The following NECAB2 variants were observed in gnomAD, a reference collection of about 807,000 sequenced individuals.
NECAB2 encodes N-terminal EF-hand calcium-binding protein 2.
A neutral mutation model predicts 51.9 loss-of-function variants in NECAB2; 68 were observed. That is an observed-to-expected ratio of 1.31 (90% CI 1.08 to 1.60). The LOEUF is 1.60. Among genes scored for constraint, NECAB2 ranks in the 40% most tolerant of loss-of-function variants. The pLI is 0.00. For missense variants in NECAB2, 854 were observed against 490.3 expected, an observed-to-expected ratio of 1.74 and a Z score of -7.00; for synonymous variants, 329 against 203.5, an observed-to-expected ratio of 1.62 and a Z score of -5.25.
At chr16:83,991,608 G>A (rs1031921057) in intron 6 of NECAB2, among the ~76,000 whole-genome samples, 6 of 151,144 alleles carry the variant, frequency 4.0e-5, no homozygotes, top group African/African-American at 1.5e-4. Flanking sequence ...ACCCGCCTCA[G>A]CCTCCAGGTG....
intron 9 of NECAB2, 56 bp from the exon 10 acceptor site, chr16:83,998,149 G>A (rs1028165529): frequency 7.2e-6 from 11 of 1,534,444 alleles, no homozygotes; most frequent in Admixed American, 5.2e-5. Context: ...CTGATGGGGT[G>A]TTTAGGGAGA....
upstream of NECAB2, chr16:83,965,328 C>G (rs758826408): frequency 1.3e-6 from 2 of 1,576,068 alleles, no homozygotes; most frequent in African/African-American, 1.3e-5. Context: ...TTCGACAGCC[C>G]GGCCCGGCTG....
chr16:84,000,426 G>A (rs1433132692), intron 10 of NECAB2, among the ~76,000 whole-genome samples: 1 of 152,120 alleles, frequency 6.6e-6, no homozygotes, highest in African/African-American at 2.4e-5. Context: ...TACTTGGAAG[G>A]CTGAAGTGAT....
upstream of NECAB2, among the ~76,000 whole-genome samples, chr16:83,967,251 G>C (rs969119252): frequency 1.3e-5 from 2 of 152,008 alleles, no homozygotes; most frequent in African/African-American, 4.8e-5. Flanking sequence ...TAAGCTCCAG[G>C]AGCTCTGGGA....
intron 2 of NECAB2, 95 bp downstream of exon 2, chr16:83,972,270 A>T: frequency 6.3e-7 from 1 of 1,577,646 alleles, no homozygotes; most frequent in Non-Finnish European, 8.7e-7. Context: ...CGCAACCTTG[A>T]ACCTAAAGGT....
At position 84,002,421 on chromosome 16, in the gene NECAB2, A is replaced by T; in HGVS notation, c.*75A>T. On this transcript the variant is annotated 3_prime_UTR_variant, in exon 13 of 13. Transcript: ENST00000305202. ...AAGGAAATCCCGTTTTTTTCTAGAC[A>T]GACACTTTGGTGCAGAAGCTTCTTT... is the stretch of plus-strand genomic sequence containing the variant. 1.3e-6 allele frequency: 2 copies of T among 1,536,646 alleles called. No individual in the cohort carries two copies.
At chr16:83,988,272 A>G (rs900165952) in intron 5 of NECAB2, among the ~76,000 whole-genome samples, 1 of 151,600 alleles carries the variant, frequency 6.6e-6, no homozygotes, top group Admixed American at 6.6e-5. Flanking sequence ...CATCTCTTTT[A>G]CATTTTACCT....
At chr16:84,001,725 A>G (rs2084840006) in intron 11 of NECAB2, 100 bp from the exon 12 acceptor site, 2 of 1,312,988 alleles carry the variant, frequency 1.5e-6, no homozygotes, top group African/African-American at 1.5e-5. Flanking sequence ...GTGCTTATTG[A>G]TAAGCTCCCC....
At chr16:83,967,752 GTGGA>G (rs1223878998), upstream of NECAB2, among the ~76,000 whole-genome samples, 1 of 131,422 alleles carries the variant, frequency 7.6e-6, no homozygotes, top group Admixed American at 7.6e-5. Flanking sequence ...GGATGGGAGG[GTGGA>G]TGGATGGATG....
intron 1 of NECAB2, chr16:83,971,581 A>G (rs1234388439): frequency 6.5e-6 from 1 of 154,726 alleles, no homozygotes; most frequent in Non-Finnish European, 1.4e-5. Flanking sequence ...TGCAGCCGGA[A>G]CTTCGTCTGC....
intron 5 of NECAB2, among the ~76,000 whole-genome samples, chr16:83,984,503 G>A (rs1467908585): frequency 6.6e-6 from 1 of 151,308 alleles, no homozygotes; most frequent in African/African-American, 2.4e-5. Flanking sequence ...CGGGAGGATC[G>A]CTTGAGCCCA....
At chr16:83,995,440 G>T (rs1225178452) in intron 8 of NECAB2, among the ~76,000 whole-genome samples, 1 of 152,110 alleles carries the variant, frequency 6.6e-6, no homozygotes, top group Non-Finnish European at 1.5e-5. Flanking sequence ...GTGTCGTTAG[G>T]ATGAACCAAA....
Position 83,991,433 on chromosome 16 carries a change from C to G in NECAB2, c.596+803C>G, listed in dbSNP as rs1321453174. 4.6e-5 allele frequency among the ~76,000 whole-genome samples: 6 copies of G among 130,000 alleles called. 1 individual carries two copies. The South Asian group carries it at 1.0e-3, about 22-fold the overall frequency. The allele number at this position is 130,000 out of a possible 152,430, so 85.3% of individuals were successfully genotyped here. ...CCAGGCTGGAGTGCAGTGGCGAGAT[C>G]TCAGCTCACTGCAACGTCCGCCTCC... On this transcript the variant is annotated intron_variant, in intron 6 of 12. Coordinates refer to ENST00000305202, the MANE Select transcript of NECAB2 (RefSeq NM_019065.3).
intron 6 of NECAB2, among the ~76,000 whole-genome samples, chr16:83,993,968 G>A (rs903455687): frequency 2.0e-5 from 3 of 152,136 alleles, no homozygotes; most frequent in East Asian, 1.9e-4. Flanking sequence ...GGCTCTACAC[G>A]TGCCCGAAAG....
chr16:83,989,036 C>G (rs1480287518), intron 5 of NECAB2, among the ~76,000 whole-genome samples: 2 of 152,224 alleles, frequency 1.3e-5, no homozygotes, highest in African/African-American at 4.8e-5. Flanking sequence ...TGATCGCTGA[C>G]CACATCTTCA....
chr16:83,996,620 C>G (rs1451665512), intron 8 of NECAB2, among the ~76,000 whole-genome samples: 5 of 152,170 alleles, frequency 3.3e-5, no homozygotes, highest in African/African-American at 9.6e-5. Flanking sequence ...GGGTTCAGAC[C>G]CACGCTCTGA....
chr16:83,987,177 A>T (rs906241344), intron 5 of NECAB2, among the ~76,000 whole-genome samples: 41 of 152,248 alleles, frequency 2.7e-4, no homozygotes, highest in Admixed American at 1.7e-3. Context: ...ACTAGAAAAA[A>T]TAGTAAACTT....
At chr16:83,967,912 G>A (rs2084304819), upstream of NECAB2, among the ~76,000 whole-genome samples, 1 of 150,724 alleles carries the variant, frequency 6.6e-6, no homozygotes, top group Admixed American at 6.6e-5. Context: ...ACAGTCGGCC[G>A]GCCGGATGGA....
chr16:83,983,874 T>C (rs1462140696), intron 5 of NECAB2, among the ~76,000 whole-genome samples: 1 of 152,146 alleles, frequency 6.6e-6, no homozygotes, highest in Non-Finnish European at 1.5e-5. Flanking sequence ...AATTTATCCA[T>C]AACGCTTGGG....
Sources: allele counts gnomAD v4.1 joint callset (sites outside exome capture counted in the v4.1 genomes callset), GRCh38; gene constraint gnomAD v4.1.1; transcripts MANE v1.5; gene names NCBI Gene and HGNC (gene_info 2026-07-23, HGNC 2026-07-21).